The following RCAN3 variants were observed in gnomAD, a reference collection of about 807,000 sequenced individuals.
RCAN3 encodes the protein calcipressin-3.
RCAN3 carries 19 observed loss-of-function variants against 21.9 expected under a neutral mutation model. The observed-to-expected ratio is 0.87, with a 90% confidence interval of 0.61 to 1.27. The LOEUF is 1.27. Ranked by LOEUF, RCAN3 falls within the 50% of genes most tolerant of loss-of-function variation. The pLI is 0.00. For missense variants in RCAN3, 240 were observed against 300.1 expected (o/e 0.80, Z 1.48); for synonymous variants, 114 against 112.3 (o/e 1.01, Z -0.09).
At position 24,539,662 on chromosome 1, in the gene RCAN3, C is replaced by A. The variant is rs1650405326; in HGVS notation, c.*4385C>A. ...TCAAGGCTTCATATTTTTATACAGA[C>A]TATTTCACAGACCATAGATTTATTT... is the stretch of plus-strand genomic sequence containing the variant. On this transcript the variant is annotated 3_prime_UTR_variant, in exon 5 of 5. Transcript: ENST00000374395. 6.6e-6 allele frequency: 1 copy of A among 152,196 alleles called. No homozygotes were observed. 9.4% of individuals were successfully genotyped at this position (152,196 alleles called of 1,614,324 possible).
Position 24,535,584 on chromosome 1 carries a change from G to T in RCAN3, c.*307G>T. On this transcript the variant is annotated 3_prime_UTR_variant, in exon 5 of 5. Coordinates refer to ENST00000374395, the MANE Select transcript of RCAN3 (RefSeq NM_013441.4). ...AACAGCTCCCCTCCCCTCCAGCCAT[G>T]TAAGTCCTCCTGATTCTGTATCACA... 1 of 276,976 alleles carries T rather than the reference G, an allele frequency of 3.6e-6. No individual in the cohort carries two copies. The highest frequency in any genetic ancestry group is 5.3e-5 in the Admixed American group (1 of 18,844). The allele number at this position is 276,976 out of a possible 1,614,324, so 17.2% of individuals were successfully genotyped here. A position where few individuals can be genotyped will look rare whatever the true frequency, so the allele number is the denominator to read the frequency against.
chr1:24,535,151 C>T lies in RCAN3; in HGVS notation c.600C>T (p.Val200=), dbSNP rs762499550. Residue 200 remains valine (V), a synonymous_variant, in exon 5 of 5, where the codon GTC becomes GTT. Transcript: ENST00000374395. ...CGACACCCAGCGTGGTGGTTCATGT[C>T]TGTGAAAGTGAAACTGAAGAGGAAG... ...TESTPSVVVH[V]CESETEEEEE... 6.3e-7 allele frequency: 1 copy of T among 1,598,686 alleles called. No individual in the cohort carries two copies.
chr1:24,514,225 T>C (rs552840271), intron 1 of RCAN3, 89 bp from the exon 2 acceptor site: 2 of 565,328 alleles, frequency 3.5e-6, no homozygotes, highest in Admixed American at 3.7e-5. Context: ...ATTGCTTCAT[T>C]TGATGAATTG....
At chr1:24,531,125 T>G (rs1457177870) in intron 2 of RCAN3, 93 bp from the exon 3 acceptor site, 2 of 888,532 alleles carry the variant, frequency 2.3e-6, no homozygotes, top group Non-Finnish European at 3.3e-6. Flanking sequence ...AGTTCTTAAT[T>G]AGGTTTCATG....
At chr1:24,513,327 C>T (rs970750084) in intron 1 of RCAN3, among the ~76,000 whole-genome samples, 2 of 152,074 alleles carry the variant, frequency 1.3e-5, no homozygotes, top group African/African-American at 2.4e-5. Context: ...TGGTCTTGAA[C>T]GCCTGAGCTG....
intron 2 of RCAN3, among the ~76,000 whole-genome samples, chr1:24,530,378 A>C (rs1369196806): frequency 4.7e-5 from 7 of 149,302 alleles, no homozygotes; most frequent in African/African-American, 1.7e-4. Context: ...AAAAAAAAAA[A>C]AGACAGTCAC....
intron 2 of RCAN3, among the ~76,000 whole-genome samples, chr1:24,530,070 T>A (rs549720290): frequency 6.6e-6 from 1 of 151,544 alleles, no homozygotes; most frequent in East Asian, 2.0e-4. Context: ...AATGGATGTC[T>A]TGCTGGGTGT....
At chr1:24,534,216 C>T (rs1158020697) in intron 4 of RCAN3, among the ~76,000 whole-genome samples, 2 of 152,146 alleles carry the variant, frequency 1.3e-5, no homozygotes, top group Admixed American at 6.6e-5. Flanking sequence ...GACGTTAGAG[C>T]TGTGTCTTAG....
chr1:24,534,246 C>T (rs878943797), intron 4 of RCAN3, among the ~76,000 whole-genome samples: 1 of 152,086 alleles, frequency 6.6e-6, no homozygotes, highest in Admixed American at 6.6e-5. Context: ...TTCCTATAAT[C>T]AAGGGAGTGC....
intron 2 of RCAN3, among the ~76,000 whole-genome samples, chr1:24,517,094 G>GTTTTTTTTTTT (rs1396486242): frequency 7.9e-6 from 1 of 126,346 alleles, no homozygotes; most frequent in Admixed American, 7.8e-5. Flanking sequence ...GTTTTTTTTT[G>GTTTTTTTTTTT]TTTTTTTTTT....
At position 24,535,491 on chromosome 1, in the gene RCAN3, T is replaced by G. The variant is rs919305763; in HGVS notation, c.*214T>G. 6.3e-5 allele frequency: 27 copies of G among 430,232 alleles called. No homozygotes were observed. Among genetic ancestry groups the G allele is most frequent in the African/African-American group, 5.5e-4 (27 of 49,032 alleles). The allele number at this position is 430,232 out of a possible 1,614,324, so 26.7% of individuals were successfully genotyped here. A position where few individuals can be genotyped will look rare whatever the true frequency, so the allele number is the denominator to read the frequency against. On this transcript the variant is annotated 3_prime_UTR_variant, in exon 5 of 5. Coordinates refer to ENST00000374395, the MANE Select transcript of RCAN3 (RefSeq NM_013441.4). ...TTAAGTGATATTCCAAAAGGGACTTTACATTAAAGGAGAAGCCCCCAAGAT... is the reference window on the plus strand; with the variant it reads ...TTAAGTGATATTCCAAAAGGGACTTGACATTAAAGGAGAAGCCCCCAAGAT...
chr1:24,519,285 C>G lies in RCAN3; in HGVS notation c.195+4718C>G, dbSNP rs1648596706. On this transcript the variant is annotated intron_variant, in intron 2 of 4. Coordinates refer to ENST00000374395, the MANE Select transcript of RCAN3 (RefSeq NM_013441.4). ...CAGACTGGTCTCAAACTCCTGGGCT[C>G]AAGCGATCCTCCTACCTCTGCCTCT... 4.6e-5 allele frequency among the ~76,000 whole-genome samples: 7 copies of G among 151,066 alleles called. No homozygotes were observed. In the South Asian group the frequency reaches 1.5e-3, roughly 32 times the overall value.
chr1:24,520,446 G>A (rs1263890337), intron 2 of RCAN3, among the ~76,000 whole-genome samples: 1 of 152,092 alleles, frequency 6.6e-6, no homozygotes, highest in African/African-American at 2.4e-5. Context: ...TCTATGGACT[G>A]GAAAACTTAA....
In RCAN3 at chr1:24,536,153, T is replaced by G. The variant is rs196433; in HGVS notation, c.*876T>G. ...TTTATCCTTCACCTTTTCCAGTATC[T>G]TGTTAACCACTAGTTCTTGAGTTTT... On this transcript the variant is annotated 3_prime_UTR_variant, in exon 5 of 5. Transcript: ENST00000374395. 0.54 allele frequency: 82,469 copies of G among 151,648 alleles called. 23,203 individuals carry two copies. The highest frequency in any genetic ancestry group is 0.73 in the East Asian group (3,740 of 5,150). The allele number at this position is 151,648 out of a possible 1,614,324, so 9.4% of individuals were successfully genotyped here.
Position 24,525,768 on chromosome 1 carries a change from C to T in RCAN3, c.196-5450C>T, listed in dbSNP as rs1359132475. 1.3e-5 allele frequency among the ~76,000 whole-genome samples: 2 copies of T among 152,120 alleles called. No individual in the cohort carries two copies. The highest frequency in any genetic ancestry group is 2.9e-5 in the Non-Finnish European group (2 of 68,028). On this transcript the variant is annotated intron_variant, in intron 2 of 4. Transcript: ENST00000374395. The surrounding 1 kb of genome is among the most constrained non-coding windows in gnomAD (Gnocchi z 4.1). ...TTCATAGATTATGTCCTTCCCCTGC[C>T]GTCTGCAATCTTCTAAATCCCTTTC...
rs983249332 is a variant in RCAN3, at chr1:24,530,869, G to T, written c.196-349G>T. ...TACTAAAAATGTAAAAATTAGCCGG[G>T]CATGGTGGCCGGCCCCTATAATCCC... On this transcript the variant is annotated intron_variant, in intron 2 of 4. Transcript: ENST00000374395. 2.0e-5 allele frequency among the ~76,000 whole-genome samples: 3 copies of T among 152,166 alleles called. No individual in the cohort carries two copies. In the South Asian group the frequency reaches 6.2e-4, roughly 32 times the overall value.
chr1:24,527,928 C>T (rs1027655173), intron 2 of RCAN3, among the ~76,000 whole-genome samples: 5 of 152,016 alleles, frequency 3.3e-5, no homozygotes, highest in East Asian at 1.9e-4. Context: ...GCCTCATGAA[C>T]GACTCAAATA....
chr1:24,510,695 G>T (rs1254741803), intron 1 of RCAN3, among the ~76,000 whole-genome samples: 1 of 152,178 alleles, frequency 6.6e-6, no homozygotes, highest in Admixed American at 6.5e-5. Context: ...TTTAGCATTT[G>T]TGTGTTCACT....
At position 24,535,125 on chromosome 1, in the gene RCAN3, T is replaced by G. The variant is rs145000277; in HGVS notation, c.574T>G (p.Ser192Ala). 232 of 1,595,722 alleles carry G rather than the reference T, an allele frequency of 1.5e-4. No individual in the cohort carries two copies. The highest frequency in any genetic ancestry group is 1.9e-4 in the Non-Finnish European group (220 of 1,173,702). ...EKYELHAGTE[S>A]TPSVVVHVCE... ...ATATGAACTTCACGCGGGAACAGAG[T>G]CGACACCCAGCGTGGTGGTTCATGT... The change falls in exon 5 of 5, where the codon TCG (serine) becomes GCG (alanine). Residue 192 changes from serine (S) to alanine (A), a missense_variant. Ser to Ala is a moderately conservative substitution (Grantham distance 99). Coordinates refer to ENST00000374395, the MANE Select transcript of RCAN3 (RefSeq NM_013441.4).
Sources: allele counts gnomAD v4.1 joint callset (sites outside exome capture counted in the v4.1 genomes callset), GRCh38; gene constraint gnomAD v4.1.1; non-coding constraint Gnocchi (gnomAD v3.1); transcripts MANE v1.5; gene names NCBI Gene and HGNC (gene_info 2026-07-23, HGNC 2026-07-21).